Variants in TSHZ2 observed in about 807,000 individuals in gnomAD.
TSHZ2 encodes teashirt zinc finger homeobox 2, also known as teashirt homolog 2.
In TSHZ2, 21 loss-of-function variants were observed where a neutral mutation model predicts 74.4. The ratio of observed to expected loss-of-function variants is 0.28; its 90% CI spans 0.20 to 0.41. The LOEUF (loss-of-function observed/expected upper bound fraction) is 0.41. Among genes scored for constraint, TSHZ2 ranks in the 10% least tolerant of loss-of-function variants. The pLI is 1.00. For missense variants in TSHZ2, 1,244 were observed against 1,293.5 expected (o/e 0.96, Z 0.59); for synonymous variants, 540 against 515.3 (o/e 1.05, Z -0.65).
chr20:53,324,277 A>T (rs934201563), intron 2 of TSHZ2, among the ~76,000 whole-genome samples: 1 of 152,124 alleles, frequency 6.6e-6, no homozygotes, highest in African/African-American at 2.4e-5. Context: ...TGGGCACAGC[A>T]CTCATGGTCC....
chr20:53,019,157 A>G (rs1339833700), intron 1 of TSHZ2, among the ~76,000 whole-genome samples: 1 of 152,152 alleles, frequency 6.6e-6, no homozygotes, highest in East Asian at 1.9e-4. Flanking sequence ...GTCATGAACT[A>G]TATATGAAGG....
chr20:53,105,648 T>G (rs1188988257), intron 1 of TSHZ2, among the ~76,000 whole-genome samples: 1 of 152,018 alleles, frequency 6.6e-6, no homozygotes, highest in African/African-American at 2.4e-5. Flanking sequence ...ATTTTTATTT[T>G]TATTTATTAA....
intron 1 of TSHZ2, among the ~76,000 whole-genome samples, chr20:53,164,210 C>T (rs1600719773): frequency 1.3e-5 from 2 of 151,960 alleles, no homozygotes; most frequent in Admixed American, 6.5e-5. Flanking sequence ...ATTACTGGAT[C>T]AAAGGGTAAG....
chr20:52,982,221 C>G (rs1280992531), intron 1 of TSHZ2, among the ~76,000 whole-genome samples: 1 of 152,160 alleles, frequency 6.6e-6, no homozygotes, highest in Non-Finnish European at 1.5e-5. Context: ...ATAACTCATT[C>G]AAGTTCGTGC....
At chr20:53,291,719 G>C (rs7267527) in intron 2 of TSHZ2, among the ~76,000 whole-genome samples, 19,869 of 152,022 alleles carry the variant, frequency 0.13, 1,348 homozygotes, top group Middle Eastern at 0.24. Context: ...TTTCCTATTA[G>C]GAGTTCTGAA....
At chr20:53,141,556 G>A (rs749761664) in intron 1 of TSHZ2, among the ~76,000 whole-genome samples, 4 of 152,172 alleles carry the variant, frequency 2.6e-5, no homozygotes, top group Non-Finnish European at 5.9e-5. Flanking sequence ...CTCAAGTTTG[G>A]TTATTAAGAC....
At chr20:53,299,300 T>G (rs1991435519) in intron 2 of TSHZ2, among the ~76,000 whole-genome samples, 1 of 152,182 alleles carries the variant, frequency 6.6e-6, no homozygotes, top group South Asian at 2.1e-4. Flanking sequence ...GCCCCAAAGA[T>G]TTTATGTAAA....
chr20:53,379,505 C>G (rs962823935), intron 2 of TSHZ2, among the ~76,000 whole-genome samples: 2 of 152,050 alleles, frequency 1.3e-5, no homozygotes, highest in Non-Finnish European at 2.9e-5. Context: ...GACACTAACT[C>G]AAGGATCTAG....
At chr20:53,322,022 G>A (rs1405891342) in intron 2 of TSHZ2, among the ~76,000 whole-genome samples, 1 of 152,206 alleles carries the variant, frequency 6.6e-6, no homozygotes, top group Non-Finnish European at 1.5e-5. Context: ...GGGATGTCAT[G>A]GAGAAAGCTT....
intron 1 of TSHZ2, among the ~76,000 whole-genome samples, chr20:53,158,093 G>C (rs990072628): frequency 1.5e-4 from 23 of 152,204 alleles, no homozygotes; most frequent in African/African-American, 4.8e-4. Flanking sequence ...AAGTGAGGAA[G>C]GAAGCTGTGG....
intron 2 of TSHZ2, among the ~76,000 whole-genome samples, chr20:53,479,782 G>T (rs889589167): frequency 6.6e-6 from 1 of 152,098 alleles, no homozygotes; most frequent in Non-Finnish European, 1.5e-5. Flanking sequence ...CACAACTCAG[G>T]GGTAAAGCAG....
chr20:53,379,165 T>A (rs750069414), intron 2 of TSHZ2, among the ~76,000 whole-genome samples: 1 of 152,210 alleles, frequency 6.6e-6, no homozygotes, highest in Non-Finnish European at 1.5e-5. Flanking sequence ...GTGAATGGCT[T>A]GAGCCCAAGA....
Position 53,465,953 on chromosome 20 carries a change from T to TAATC in TSHZ2, c.*9-21189_*9-21186dup, listed in dbSNP as rs1009883268. Among the ~76,000 whole-genome samples, 8 of 132,248 alleles carry TAATC rather than the reference T, an allele frequency of 6.0e-5. No individual in the cohort carries two copies. The South Asian group carries it at 1.0e-3, about 17-fold the overall frequency. The allele number at this position is 132,248 out of a possible 152,430, so 86.8% of individuals were successfully genotyped here. Reference sequence around the variant, plus strand: ...CATCGCCACCATGAGCTTAGACATATAATCACAGTGGTTAAAAAAAAAAAA... The same window carrying TAATC: ...CATCGCCACCATGAGCTTAGACATATAATCAATCACAGTGGTTAAAAAAAAAAAA... On this transcript the variant is annotated intron_variant, in intron 2 of 2. Coordinates refer to ENST00000371497, the MANE Select transcript of TSHZ2 (RefSeq NM_173485.6).
intron 1 of TSHZ2, among the ~76,000 whole-genome samples, chr20:53,017,555 TA>T (rs11086409): frequency 0.54 from 81,623 of 152,010 alleles, 22,772 homozygotes; most frequent in East Asian, 0.75. Flanking sequence ...ACTGAATTTT[TA>T]AGTTTAAAAA....
At chr20:53,231,944 G>T (rs1276580794) in intron 1 of TSHZ2, among the ~76,000 whole-genome samples, 1 of 152,120 alleles carries the variant, frequency 6.6e-6, no homozygotes, top group Non-Finnish European at 1.5e-5. Context: ...GAGTGCAGTG[G>T]CACCATCATA....
intron 1 of TSHZ2, among the ~76,000 whole-genome samples, chr20:52,985,643 T>C (rs1600630307): frequency 6.6e-6 from 1 of 152,244 alleles, no homozygotes; most frequent in African/African-American, 2.4e-5. Flanking sequence ...AGGGCAGATG[T>C]TGTGTCTCAT....
At chr20:53,069,735 G>A (rs960069025) in intron 1 of TSHZ2, among the ~76,000 whole-genome samples, 12 of 145,732 alleles carry the variant, frequency 8.2e-5, no homozygotes, top group Admixed American at 7.5e-4. Context: ...ATAACGAGAG[G>A]AAAAGCAAAG....
chr20:53,101,384 T>C (rs1385642220), intron 1 of TSHZ2, among the ~76,000 whole-genome samples: 2 of 152,218 alleles, frequency 1.3e-5, no homozygotes, highest in African/African-American at 2.4e-5. Flanking sequence ...TACGTCAATT[T>C]ATTCCTTATT....
chr20:53,031,526 A>AGGCCT (rs1260121746), intron 1 of TSHZ2, among the ~76,000 whole-genome samples: 1 of 152,192 alleles, frequency 6.6e-6, no homozygotes, highest in Admixed American at 6.5e-5. Context: ...TTATAGAGAA[A>AGGCCT]GGCCTGTAGC....
Sources: gnomAD v4.1 joint callset for allele counts (sites outside exome capture counted in the v4.1 genomes callset) on GRCh38, gnomAD v4.1.1 for gene constraint, MANE v1.5 for transcripts, NCBI Gene and HGNC (gene_info 2026-07-23, HGNC 2026-07-21) for gene names.